The following BTBD9 variants were observed in gnomAD, a reference collection of about 807,000 sequenced individuals.
BTBD9 encodes the protein BTB/POZ domain-containing protein 9.
A neutral mutation model predicts 64.3 loss-of-function variants in BTBD9; 49 were observed. The ratio of observed to expected loss-of-function variants is 0.76; its 90% CI spans 0.61 to 0.97. The LOEUF (loss-of-function observed/expected upper bound fraction) is 0.97, where lower values mean the gene tolerates loss of function less well. BTBD9 is among the 50% of genes least tolerant of loss of function. BTBD9 has a pLI of 0.00. For synonymous variants in BTBD9, 260 were observed against 274.7 expected (o/e 0.95, Z 0.53); for missense variants, 598 against 762.1 (o/e 0.78, Z 2.53).
rs1328646905 is a variant in BTBD9 at position 38,173,319 on chromosome 6, T to C, written c.*1666A>G. ...GCCTGGCATCCCAGGAGTGTTCCAC[T>C]CTCCCACACAACAGGGAAGTGGCAG... is the stretch of plus-strand genomic sequence containing the variant. On this transcript the variant is annotated 3_prime_UTR_variant, in exon 11 of 11. Coordinates refer to ENST00000481247, the MANE Select transcript of BTBD9 (RefSeq NM_001099272.2). The C allele has an allele frequency of 6.6e-6, 1 of 152,080 alleles. No individual in the cohort carries two copies. The highest frequency in any genetic ancestry group is 1.5e-5 in the Non-Finnish European group (1 of 68,028). The allele number at this position is 152,080 out of a possible 1,614,324, so 9.4% of individuals were successfully genotyped here.
At chr6:38,187,192 G>A (rs544203707) in intron 10 of BTBD9, among the ~76,000 whole-genome samples, 8 of 152,268 alleles carry the variant, frequency 5.3e-5, no homozygotes, top group South Asian at 2.1e-4. Flanking sequence ...CTCCCTCGAC[G>A]TTTGTTAACG....
At chr6:38,583,412 T>G (rs1443952171) in intron 4 of BTBD9, among the ~76,000 whole-genome samples, 1 of 152,096 alleles carries the variant, frequency 6.6e-6, no homozygotes, top group Non-Finnish European at 1.5e-5. Context: ...GACAGGAGAA[T>G]CACTTGAACC....
chr6:38,197,178 A>G (rs1010772533), intron 9 of BTBD9, among the ~76,000 whole-genome samples: 1 of 152,200 alleles, frequency 6.6e-6, no homozygotes, highest in Non-Finnish European at 1.5e-5. Context: ...TAGAGTCGTG[A>G]TCTATCTCAT....
Position 38,461,219 on chromosome 6 carries a change from T to C in BTBD9, c.1155-116126A>G, listed in dbSNP as rs1184465607. Among the ~76,000 whole-genome samples, 4 of 152,206 alleles carry C rather than the reference T, an allele frequency of 2.6e-5. No individual in the cohort carries two copies. In the East Asian group the frequency reaches 7.7e-4, roughly 29 times the overall value. On this transcript the variant is annotated intron_variant, in intron 6 of 10. Transcript: ENST00000481247. Reference sequence around the variant, plus strand: ...ACTGTACGTATTTGAGATGAACAATTTGTTAATTTTTGACCTGTAAAACCA... The same window carrying C: ...ACTGTACGTATTTGAGATGAACAATCTGTTAATTTTTGACCTGTAAAACCA...
chr6:38,338,787 C>T (rs1386414986), intron 7 of BTBD9, among the ~76,000 whole-genome samples: 4 of 152,072 alleles, frequency 2.6e-5, no homozygotes, highest in African/African-American at 9.7e-5. Flanking sequence ...CTCTATTCAC[C>T]TAGAAGACTC....
chr6:38,362,642 TG>T (rs1298015124), intron 6 of BTBD9, among the ~76,000 whole-genome samples: 1 of 152,216 alleles, frequency 6.6e-6, no homozygotes, highest in African/African-American at 2.4e-5. Flanking sequence ...AATTAGACAG[TG>T]TTTCTTTCTT....
intron 9 of BTBD9, among the ~76,000 whole-genome samples, chr6:38,235,251 T>A (rs914176873): frequency 6.6e-6 from 1 of 152,188 alleles, no homozygotes; most frequent in Non-Finnish European, 1.5e-5. Flanking sequence ...TGAAGAAAGG[T>A]CTGCATACGT....
intron 9 of BTBD9, among the ~76,000 whole-genome samples, chr6:38,254,012 C>T (rs1764490681): frequency 6.8e-6 from 1 of 147,536 alleles, no homozygotes; most frequent in Non-Finnish European, 1.5e-5. Flanking sequence ...TCTAGTATGT[C>T]AATGTGACTA....
intron 8 of BTBD9, among the ~76,000 whole-genome samples, chr6:38,265,275 AT>A (rs1764932618): frequency 1.3e-5 from 2 of 151,728 alleles, no homozygotes; most frequent in Admixed American, 6.6e-5. Context: ...AGAAAGGGGG[AT>A]ATTTAAGGAG....
intron 6 of BTBD9, among the ~76,000 whole-genome samples, chr6:38,514,729 A>C (rs1772933919): frequency 6.6e-6 from 1 of 152,236 alleles, no homozygotes; most frequent in Non-Finnish European, 1.5e-5. Flanking sequence ...GTAGAATAAA[A>C]TAAAAAGGTT....
At chr6:38,189,223 C>T (rs1253823038) in intron 10 of BTBD9, among the ~76,000 whole-genome samples, 1 of 152,204 alleles carries the variant, frequency 6.6e-6, no homozygotes, top group African/African-American at 2.4e-5. Context: ...CCCAGCTCCA[C>T]GAAGTGCTCT....
At chr6:38,522,093 T>C (rs1424342345) in intron 6 of BTBD9, among the ~76,000 whole-genome samples, 1 of 152,212 alleles carries the variant, frequency 6.6e-6, no homozygotes, top group Non-Finnish European at 1.5e-5. Flanking sequence ...TCCTCCTTTC[T>C]GAAGCTAAGC....
Position 38,633,280 on chromosome 6 carries a change from C to T in BTBD9, c.-28+6520G>A, listed in dbSNP as rs975650638. 7.9e-5 allele frequency among the ~76,000 whole-genome samples: 12 copies of T among 152,328 alleles called. No homozygotes were observed. The East Asian group carries it at 2.3e-3, about 29-fold the overall frequency. ...AAAAGAACACAGGCTGCAGAGTCCA[C>T]ACCTGGGTCTGTACTGGAGCCCAGT... On this transcript the variant is annotated intron_variant, in intron 1 of 10. Transcript: ENST00000481247.
intron 6 of BTBD9, among the ~76,000 whole-genome samples, chr6:38,515,141 T>C (rs539459266): frequency 1.3e-5 from 2 of 152,226 alleles, no homozygotes; most frequent in Admixed American, 6.5e-5. Flanking sequence ...TGTCTGAAGA[T>C]GGATTAATCT....
At chr6:38,554,750 A>C (rs878925968) in intron 6 of BTBD9, among the ~76,000 whole-genome samples, 3 of 152,234 alleles carry the variant, frequency 2.0e-5, no homozygotes, top group Admixed American at 2.0e-4. Context: ...TTAAAAAAAA[A>C]ATCCAAAAAG....
intron 6 of BTBD9, among the ~76,000 whole-genome samples, chr6:38,403,435 G>A (rs1223581803): frequency 3.3e-5 from 5 of 152,162 alleles, no homozygotes; most frequent in South Asian, 4.1e-4. Flanking sequence ...TGGATAAGAC[G>A]TTTTCCAAAT....
At chr6:38,296,010 T>G (rs935166244) in intron 7 of BTBD9, among the ~76,000 whole-genome samples, 3 of 152,114 alleles carry the variant, frequency 2.0e-5, no homozygotes, top group African/African-American at 7.2e-5. Context: ...ATCATGCCAC[T>G]CCACTCCAGC....
chr6:38,248,958 AT>A, intron 9 of BTBD9, among the ~76,000 whole-genome samples: 1 of 152,340 alleles, frequency 6.6e-6, no homozygotes, highest in East Asian at 1.9e-4. Context: ...ACATCCAGCC[AT>A]GTCACTGTGA....
chr6:38,563,597 A>C (rs1014988371), intron 6 of BTBD9, among the ~76,000 whole-genome samples: 1 of 151,950 alleles, frequency 6.6e-6, no homozygotes, highest in African/African-American at 2.4e-5. Context: ...AACGTGCCCC[A>C]CACACACATG....
Sources: allele counts gnomAD v4.1 joint callset (sites outside exome capture counted in the v4.1 genomes callset), GRCh38; gene constraint gnomAD v4.1.1; transcripts MANE v1.5; gene names NCBI Gene and HGNC (gene_info 2026-07-23, HGNC 2026-07-21).